POLL: variants seen among roughly 807,000 people sequenced by gnomAD.
The protein encoded by POLL is DNA polymerase beta-2.
A neutral mutation model predicts 58.1 loss-of-function variants in POLL; 44 were observed. The ratio of observed to expected loss-of-function variants is 0.76; its 90% CI spans 0.60 to 0.97. The LOEUF (loss-of-function observed/expected upper bound fraction) is 0.97. Among genes scored for constraint, POLL ranks in the 50% least tolerant of loss-of-function variants. The probability of loss-of-function intolerance (pLI) is 0.00; values close to 1 mark genes in which losing one functional copy is unlikely to be tolerated. For missense variants in POLL, 632 were observed against 736.8 expected (o/e 0.86, Z 1.65); for synonymous variants, 290 against 283.2 (o/e 1.02, Z -0.24).
intron 2 of POLL, among the ~76,000 whole-genome samples, chr10:101,586,550 G>A (rs2063348619): frequency 2.6e-5 from 4 of 152,184 alleles, no homozygotes; most frequent in African/African-American, 9.7e-5. Flanking sequence ...CTGGAGTACA[G>A]TGGCATCGTC....
Position 101,587,981 on chromosome 10 carries a change from A to C in POLL, c.-206T>G. On this transcript the variant is annotated 5_prime_UTR_variant, in exon 1 of 9. Transcript: ENST00000370162. ...AGCAGGTGTGGGGAGCCCTCCGGGA[A>C]TGGAGGAGTCTCGCAGCTGCGGGTG... 10 of 1,290,694 alleles carry C rather than the reference A, an allele frequency of 7.7e-6. No individual in the cohort carries two copies. Among genetic ancestry groups the C allele is most frequent in the East Asian group, 5.0e-5 (1 of 19,990 alleles). 80.0% of individuals were successfully genotyped at this position (1,290,694 alleles called of 1,614,324 possible). A position where few individuals can be genotyped will look rare whatever the true frequency, so the allele number is the denominator to read the frequency against.
In POLL at chr10:101,585,301, T is replaced by A. The variant is rs766271671; in HGVS notation, c.573+15A>T. 4.6e-6 allele frequency: 7 copies of A among 1,517,140 alleles called. No homozygotes were observed. Among genetic ancestry groups the A allele is most frequent in the Non-Finnish European group, 6.2e-6 (7 of 1,132,084 alleles). 94.0% of individuals were successfully genotyped at this position (1,517,140 alleles called of 1,614,324 possible). On this transcript the variant is annotated intron_variant, in intron 4 of 8. Coordinates refer to ENST00000370162, the MANE Select transcript of POLL (RefSeq NM_001174084.2). ...CCTAGGGGAAGGGAGTTCTGAGGGA[T>A]GGGAGGCTCCTGACCTGGGCTTGGG...
rs1003617617 is a variant in POLL, at chr10:101,580,709, G to A, written c.1195-293C>T. On this transcript the variant is annotated intron_variant, in intron 7 of 8. Transcript: ENST00000370162. The surrounding 1 kb of genome is among the most constrained non-coding windows in gnomAD (Gnocchi z 4.1). ...GCTTGCCCTGTGGAGCTCTTTAAGA[G>A]TAGGGAGACACAGACTCTCTCTGCC... 3.4e-5 allele frequency: 11 copies of A among 319,926 alleles called. No individual in the cohort carries two copies. Among genetic ancestry groups the A allele is most frequent in the African/African-American group, 2.4e-4 (11 of 46,332 alleles). 19.8% of individuals were successfully genotyped at this position (319,926 alleles called of 1,614,324 possible). A position where few individuals can be genotyped will look rare whatever the true frequency, so the allele number is the denominator to read the frequency against.
In POLL at chr10:101,588,229, A is replaced by T; in HGVS notation, c.-454T>A. ...CAGCAGAGCCAATGAGAGCGGACGA[A>T]GGGGGGAAGGAGGGCAAATGGCCAG... On this transcript the variant is annotated 5_prime_UTR_variant, in exon 1 of 9. Coordinates refer to ENST00000370162, the MANE Select transcript of POLL (RefSeq NM_001174084.2). The T allele has an allele frequency of 2.6e-6, 4 of 1,548,630 alleles. No individual in the cohort carries two copies. Among genetic ancestry groups the T allele is most frequent in the Non-Finnish European group, 3.5e-6 (4 of 1,146,476 alleles).
In POLL at chr10:101,586,041, G is replaced by T. The variant is rs777396875; in HGVS notation, c.231C>A (p.Gly77=). The T allele has an allele frequency of 6.2e-7, 1 of 1,614,096 alleles. No individual in the cohort carries two copies. Among genetic ancestry groups the T allele is most frequent in the Non-Finnish European group, 8.5e-7 (1 of 1,180,026 alleles). ...QHGGQLCPAQ[G]PGVTHIVVDE... ...CCACCACAATGTGAGTGACACCTGG[G>T]CCCTGGGCAGGGCATAGCTGGCCGC... The change falls in exon 3 of 9, where the codon GGC becomes GGA. Residue 77 remains glycine (G), a synonymous_variant. Coordinates refer to ENST00000370162, the MANE Select transcript of POLL (RefSeq NM_001174084.2).
Position 101,585,906 on chromosome 10 carries a change from C to T in POLL, c.366G>A (p.Arg122=). ...TGAATCCAGCTACATCCACCAGCCT[C>T]CTCTCCTGAAGGCACAAGCTCAGCC... is the stretch of plus-strand genomic sequence containing the variant. The part of the protein sequence containing the change: ...SAWLSLCLQE[R]RLVDVAGFSI... Residue 122 remains arginine (R), a synonymous_variant, in exon 3 of 9, where the codon AGG becomes AGA. Coordinates refer to ENST00000370162, the MANE Select transcript of POLL (RefSeq NM_001174084.2). The T allele has an allele frequency of 6.2e-7, 1 of 1,604,284 alleles. No homozygotes were observed. The highest frequency in any genetic ancestry group is 1.7e-5 in the Admixed American group (1 of 59,876).
intron 6 of POLL, 89 bp from the exon 7 acceptor site, chr10:101,582,980 C>G (rs745521793): frequency 1.3e-6 from 2 of 1,542,624 alleles, no homozygotes; most frequent in Non-Finnish European, 1.8e-6. Flanking sequence ...TTCCATCGCC[C>G]CAGACTCTAG....
rs987192163 is a variant in POLL, at chr10:101,586,084, T to C, written c.188A>G (p.Lys63Arg). The change falls in exon 3 of 9, where the codon AAG becomes AGG. Residue 63 changes from lysine (K) to arginine (R), a missense_variant. Lys to Arg is a conservative substitution (Grantham distance 26). Transcript: ENST00000370162. Reference sequence around the variant, plus strand: ...CTGGCCGCCATGCTGAACAATCTGCTTCTCAAAGAGTTCTGCCCGGGCTCG... The same window carrying C: ...CTGGCCGCCATGCTGAACAATCTGCCTCTCAAAGAGTTCTGCCCGGGCTCG... ...IGRARAELFE[K>R]QIVQHGGQLC... The C allele has an allele frequency of 4.3e-6, 7 of 1,613,900 alleles. No individual in the cohort carries two copies. Among genetic ancestry groups the C allele is most frequent in the Non-Finnish European group, 5.9e-6 (7 of 1,180,038 alleles).
At chr10:101,586,925 C>G (rs2063387398) in intron 2 of POLL, among the ~76,000 whole-genome samples, 2 of 152,226 alleles carry the variant, frequency 1.3e-5, no homozygotes, top group African/African-American at 4.8e-5. Flanking sequence ...GGCTGCAAAA[C>G]AACTAACAAC....
At chr10:101,584,045 A>C (rs2134634664) in intron 5 of POLL, among the ~76,000 whole-genome samples, 1 of 152,314 alleles carries the variant, frequency 6.6e-6, no homozygotes, top group Non-Finnish European at 1.5e-5. Context: ...ATTTCATTTA[A>C]TAGTAGCCCC....
chr10:101,585,456 T>C lies in POLL; in HGVS notation c.433A>G (p.Ser145Gly). The part of the protein sequence containing the change: ...PSRYLDHPQP[S>G]KAEQDASIPP... ...ATAGAAGCATCCTGCTCTGCCTTGC[T>C]GGGCTGTGGATGGTCCAAGTACCTG... Residue 145 changes from serine to glycine, a missense_variant, in exon 4 of 9, where the codon AGC becomes GGC. Ser to Gly is a moderately conservative substitution (Grantham distance 56, BLOSUM62 0). Coordinates refer to ENST00000370162, the MANE Select transcript of POLL (RefSeq NM_001174084.2). 1 of 1,575,802 alleles carries C rather than the reference T, an allele frequency of 6.3e-7. No individual in the cohort carries two copies. The highest frequency in any genetic ancestry group is 8.6e-7 in the Non-Finnish European group (1 of 1,162,324).
intron 2 of POLL, 32 bp from the exon 3 acceptor site, chr10:101,586,188 G>A (rs147739279): frequency 1.2e-6 from 1 of 851,092 alleles, no homozygotes; most frequent in East Asian, 2.5e-5. Context: ...GACTACTGTT[G>A]TAACTTTTTA....
At chr10:101,585,087 G>A (rs753725854) in intron 4 of POLL, among the ~76,000 whole-genome samples, 168 bp from the exon 5 acceptor site, 4 of 152,196 alleles carry the variant, frequency 2.6e-5, no homozygotes, top group Non-Finnish European at 5.9e-5. Context: ...GTGAGGCCAC[G>A]TTCCCTTTGG....
At chr10:101,587,459 T>G in intron 1 of POLL, 53 bp from the exon 2 acceptor site, 1 of 1,561,740 alleles carries the variant, frequency 6.4e-7, no homozygotes, top group Non-Finnish European at 8.7e-7. Flanking sequence ...CCTATGGAGG[T>G]AGGGTCTTTC....
intron 2 of POLL, among the ~76,000 whole-genome samples, chr10:101,586,808 T>G (rs866031874): frequency 2.0e-5 from 3 of 152,194 alleles, no homozygotes; most frequent in African/African-American, 7.2e-5. Flanking sequence ...CTCCATACTT[T>G]GAATCCTTTA....
At chr10:101,582,584 C>T (rs1215570241) in intron 7 of POLL, among the ~76,000 whole-genome samples, 179 bp downstream of exon 7, 1 of 152,094 alleles carries the variant, frequency 6.6e-6, no homozygotes, top group Admixed American at 6.5e-5. Context: ...CCAAAGCTCC[C>T]CACCCCCACC....
rs1488641880 is a variant in POLL, at chr10:101,583,689, A to G, written c.892-8T>C. ...AGGGATACTGCAGGCCTCCTAGAGG[A>G]GGAGGAGGCAGAGGCAAGAAAGAAG... On this transcript the variant is annotated splice_polypyrimidine_tract_variant and splice_region_variant and intron_variant, in intron 5 of 8. Transcript: ENST00000370162. 1.2e-6 allele frequency: 2 copies of G among 1,612,944 alleles called. No individual in the cohort carries two copies. The highest frequency in any genetic ancestry group is 1.7e-6 in the Non-Finnish European group (2 of 1,179,108).
At chr10:101,582,647 C>T in intron 7 of POLL, 116 bp downstream of exon 7, 1 of 1,074,144 alleles carries the variant, frequency 9.3e-7, no homozygotes, top group East Asian at 2.4e-5. Context: ...CTCTGGTGAT[C>T]CACAGTTTCC....
Position 101,588,041 on chromosome 10 carries a change from C to T in POLL, c.-266G>A. 1 of 1,414,302 alleles carries T rather than the reference C, an allele frequency of 7.1e-7. No individual in the cohort carries two copies. 87.6% of individuals were successfully genotyped at this position (1,414,302 alleles called of 1,614,324 possible). On this transcript the variant is annotated 5_prime_UTR_variant, in exon 1 of 9. Transcript: ENST00000370162. The stretch of plus-strand genomic sequence containing the variant: ...GCAGGTGCGGTGTACTCGCCGTGTA[C>T]GCAGCTGGCGCAGGCCAGGGAATCC...
Sources: allele counts gnomAD v4.1 joint callset (sites outside exome capture counted in the v4.1 genomes callset), GRCh38; gene constraint gnomAD v4.1.1; non-coding constraint Gnocchi (gnomAD v3.1); transcripts MANE v1.5; gene names NCBI Gene and HGNC (gene_info 2026-07-23, HGNC 2026-07-21).